Variants in TANC1 observed in about 807,000 individuals in gnomAD.
TANC1 encodes the protein tetratricopeptide repeat, ankyrin repeat and coiled-coil containing 1.
TANC1 carries 77 observed loss-of-function variants against 149.7 expected under a neutral mutation model. That is an observed-to-expected ratio of 0.51 (90% CI 0.43 to 0.62). The LOEUF is 0.62. TANC1 is among the 20% of genes least tolerant of loss of function. The pLI, the probability that TANC1 is intolerant of heterozygous loss-of-function variation, is 0.00. For synonymous variants in TANC1, 854 were observed against 925.0 expected, an observed-to-expected ratio of 0.92 and a Z score of 1.39; for missense variants, 1,985 against 2,321.8, an observed-to-expected ratio of 0.85 and a Z score of 2.98.
At chr2:159,088,903 C>T (rs936711623) in intron 3 of TANC1, among the ~76,000 whole-genome samples, 5 of 152,128 alleles carry the variant, frequency 3.3e-5, no homozygotes, top group African/African-American at 9.7e-5. Flanking sequence ...TGTTCTCAGT[C>T]GTCTTTGAGT....
chr2:158,991,257 G>C (rs200285466), intron 1 of TANC1, among the ~76,000 whole-genome samples: 5 of 151,912 alleles, frequency 3.3e-5, no homozygotes, highest in Admixed American at 3.3e-4. Context: ...AAAATACAAG[G>C]AAAAATAATA....
intron 17 of TANC1, 59 bp from the exon 18 acceptor site, chr2:159,196,549 C>T: frequency 6.7e-7 from 1 of 1,481,864 alleles, no homozygotes; most frequent in Non-Finnish European, 9.2e-7. Context: ...GGTGGTGCAT[C>T]TGCATGCTCA....
At chr2:159,182,044 A>G (rs906966029) in intron 14 of TANC1, among the ~76,000 whole-genome samples, 4 of 152,002 alleles carry the variant, frequency 2.6e-5, no homozygotes, top group African/African-American at 9.7e-5. Flanking sequence ...TACTAAAAAT[A>G]CAAAAAAAAG....
intron 3 of TANC1, among the ~76,000 whole-genome samples, chr2:159,075,719 G>GTACCAATA (rs2043605824): frequency 6.6e-6 from 1 of 151,538 alleles, no homozygotes; most frequent in Non-Finnish European, 1.5e-5. Flanking sequence ...TTGTACCAAT[G>GTACCAATA]TACCATGGTT....
At chr2:159,212,977 C>G (rs2059100115) in intron 19 of TANC1, among the ~76,000 whole-genome samples, 3 of 151,202 alleles carry the variant, frequency 2.0e-5, no homozygotes, top group Admixed American at 1.3e-4. Context: ...TTGGGGAAGG[C>G]CAGTTATGGG....
chr2:159,217,711 A>G (rs1298270424), intron 20 of TANC1, 81 bp downstream of exon 20: 2 of 1,537,124 alleles, frequency 1.3e-6, no homozygotes, highest in Non-Finnish European at 8.9e-7. Context: ...TGAGAACACA[A>G]TGCAGCTCCC....
intron 4 of TANC1, 133 bp from the exon 5 acceptor site, chr2:159,136,045 TGTGTGCGCGCGCGCGC>T: frequency 2.8e-5 from 3 of 107,796 alleles, no homozygotes; most frequent in East Asian, 1.3e-4. Context: ...TGTGTGTGTG[TGTGTGCGCGCGCGCGC>T]GTTTAAGGGA....
Position 159,175,316 on chromosome 2 carries a change from C to T in TANC1, c.1735+132C>T, listed in dbSNP as rs557330517. The T allele has an allele frequency of 1.9e-4, 133 of 684,104 alleles. 2 individuals are homozygous for T. The highest frequency in any genetic ancestry group is 7.8e-4 in the African/African-American group (44 of 56,170). The allele number at this position is 684,104 out of a possible 1,614,324, so 42.4% of individuals were successfully genotyped here. On this transcript the variant is annotated intron_variant, in intron 12 of 26. Coordinates refer to ENST00000263635, the MANE Select transcript of TANC1 (RefSeq NM_033394.3). ...AGCATGGAGAGGATGTCGAAGCCTC[C>T]GTGCCCATCCACTCCTCTTTCTCAG... is the stretch of plus-strand genomic sequence containing the variant.
chr2:159,123,437 T>C (rs1245393790), intron 4 of TANC1, among the ~76,000 whole-genome samples: 1 of 152,094 alleles, frequency 6.6e-6, no homozygotes, highest in Non-Finnish European at 1.5e-5. Context: ...GAGCACCTTC[T>C]AATCAGTGGA....
intron 1 of TANC1, among the ~76,000 whole-genome samples, chr2:158,984,153 T>C (rs983563226): frequency 3.3e-5 from 5 of 152,366 alleles, no homozygotes; most frequent in Middle Eastern, 3.4e-3. Context: ...TTTTACACTT[T>C]TCCTCTACCA....
At chr2:158,973,347 T>G (rs889836579) in intron 1 of TANC1, among the ~76,000 whole-genome samples, 4 of 152,162 alleles carry the variant, frequency 2.6e-5, no homozygotes, top group South Asian at 4.1e-4. Flanking sequence ...ATTACCTCTT[T>G]GGGTAGGAGA....
chr2:159,149,107 A>G (rs1185865583), intron 5 of TANC1, 35 bp from the exon 6 acceptor site: 1 of 1,545,440 alleles, frequency 6.5e-7, no homozygotes, highest in Non-Finnish European at 8.7e-7. Context: ...AATTCCCCAG[A>G]GGGGCATCTT....
intron 2 of TANC1, among the ~76,000 whole-genome samples, chr2:159,041,443 G>A (rs2040621371): frequency 6.6e-6 from 1 of 152,228 alleles, no homozygotes; most frequent in Non-Finnish European, 1.5e-5. Flanking sequence ...ACTCCACACA[G>A]TTCGAGCTTC....
chr2:159,176,996 G>A (rs1559399751), intron 13 of TANC1, among the ~76,000 whole-genome samples: 2 of 135,114 alleles, frequency 1.5e-5, no homozygotes, highest in African/African-American at 2.8e-5. Context: ...TGCAGCCTCC[G>A]CCTCCCTGGT....
chr2:159,036,760 T>C (rs1206539256), intron 2 of TANC1, among the ~76,000 whole-genome samples: 1 of 152,230 alleles, frequency 6.6e-6, no homozygotes, highest in Non-Finnish European at 1.5e-5. Context: ...AGTCTATCAT[T>C]GATGGACATT....
intron 3 of TANC1, among the ~76,000 whole-genome samples, chr2:159,087,892 G>A (rs552220266): frequency 6.7e-6 from 1 of 148,536 alleles, no homozygotes; most frequent in African/African-American, 2.5e-5. Flanking sequence ...TTGTCCTTAG[G>A]AGACACAGAC....
At chr2:159,089,125 C>T (rs1314936858) in intron 3 of TANC1, among the ~76,000 whole-genome samples, 1 of 152,108 alleles carries the variant, frequency 6.6e-6, no homozygotes, top group African/African-American at 2.4e-5. Context: ...CTATCCTCCC[C>T]CTTCCACAGT....
chr2:159,055,023 A>G (rs1341503524), intron 2 of TANC1, among the ~76,000 whole-genome samples: 1 of 152,260 alleles, frequency 6.6e-6, no homozygotes, highest in Non-Finnish European at 1.5e-5. Context: ...GCGATTGCAC[A>G]TCAGGAAGGT....
At chr2:159,008,204 G>C (rs538981280) in intron 2 of TANC1, among the ~76,000 whole-genome samples, 1 of 152,302 alleles carries the variant, frequency 6.6e-6, no homozygotes, top group South Asian at 2.1e-4. Context: ...TACAATTGCT[G>C]TTGCAAACTA....
Sources: gnomAD v4.1 joint callset for allele counts (sites outside exome capture counted in the v4.1 genomes callset) on GRCh38, gnomAD v4.1.1 for gene constraint, MANE v1.5 for transcripts, NCBI Gene and HGNC (gene_info 2026-07-23, HGNC 2026-07-21) for gene names.